Variants in MFSD12 observed in about 807,000 individuals in gnomAD.
MFSD12 encodes the protein major facilitator superfamily domain-containing protein 12.
A neutral mutation model predicts 51.2 loss-of-function variants in MFSD12; 67 were observed. The ratio of observed to expected loss-of-function variants is 1.31; its 90% CI spans 1.08 to 1.60. The LOEUF (loss-of-function observed/expected upper bound fraction) is 1.60. Ranked by LOEUF, MFSD12 falls within the 40% of genes most tolerant of loss-of-function variation. The pLI, the probability that MFSD12 is intolerant of heterozygous loss-of-function variation, is 0.00. For missense variants in MFSD12, 921 were observed against 673.0 expected (o/e 1.37, Z -4.08); for synonymous variants, 441 against 316.7 (o/e 1.39, Z -4.17).
At chr19:3,543,103 C>A, downstream of MFSD12, 1 of 1,537,050 alleles carries the variant, frequency 6.5e-7, no homozygotes, top group Middle Eastern at 1.9e-4. Context: ...AGGACAGACT[C>A]CAAGTGGCGA....
At position 3,556,196 on chromosome 19, in the gene MFSD12, G is replaced by A. The variant is rs1599843492; in HGVS notation, c.298+910C>T. Among the ~76,000 whole-genome samples, 5 of 152,360 alleles carry A rather than the reference G, an allele frequency of 3.3e-5. No homozygotes were observed. The South Asian group carries it at 1.0e-3, about 32-fold the overall frequency. ...TGCCCTGGCAGAACACACAGAGAGAGAGGAGGCTCTAGGGGGCCTGACTGT... is the reference window on the plus strand; with the variant it reads ...TGCCCTGGCAGAACACACAGAGAGAAAGGAGGCTCTAGGGGGCCTGACTGT... On this transcript the variant is annotated intron_variant, in intron 1 of 9. Transcript: ENST00000355415.
At chr19:3,554,290 A>C (rs2145221391) in intron 1 of MFSD12, among the ~76,000 whole-genome samples, 1 of 151,522 alleles carries the variant, frequency 6.6e-6, no homozygotes, top group African/African-American at 2.4e-5. Context: ...TTTAAAAATT[A>C]GCCGGCTTTG....
chr19:3,543,344 A>G, downstream of MFSD12: 1 of 1,549,502 alleles, frequency 6.5e-7, no homozygotes, highest in East Asian at 2.4e-5. Context: ...GCTGTGGTAC[A>G]CAGGCCTGAC....
intron 2 of MFSD12, among the ~76,000 whole-genome samples, chr19:3,550,599 C>T (rs545722811): frequency 1.3e-5 from 2 of 152,160 alleles, no homozygotes; most frequent in African/African-American, 4.8e-5. Context: ...CACGTGTTAG[C>T]GAGGATGGTC....
rs983298715 is a variant in MFSD12, at chr19:3,546,876, C to T, written c.1023+396G>A. Among the ~76,000 whole-genome samples, 3 of 152,212 alleles carry T rather than the reference C, an allele frequency of 2.0e-5. No individual in the cohort carries two copies. The East Asian group carries it at 5.8e-4, about 29-fold the overall frequency. On this transcript the variant is annotated intron_variant, in intron 6 of 9. Coordinates refer to ENST00000355415, the MANE Select transcript of MFSD12 (RefSeq NM_174983.5). ...GAGACAAGAGTCTCGCTGTGTCGCC[C>T]AGGCTGGAGTGCAGTGGTGTGATCT... is the stretch of plus-strand genomic sequence containing the variant.
chr19:3,539,906 C>T (rs2030219230), downstream of MFSD12: 1 of 152,136 alleles, frequency 6.6e-6, no homozygotes, highest in Non-Finnish European at 1.5e-5. Flanking sequence ...ACTATGCAGC[C>T]ATGAAAAAGA....
In MFSD12 at chr19:3,557,467, T is replaced by C; in HGVS notation, c.-64A>G. The C allele has an allele frequency of 9.5e-7, 1 of 1,055,940 alleles. No homozygotes were observed. Among genetic ancestry groups the C allele is most frequent in the Non-Finnish European group, 1.2e-6 (1 of 845,370 alleles). The allele number at this position is 1,055,940 out of a possible 1,614,324, so 65.4% of individuals were successfully genotyped here. A position where few individuals can be genotyped will look rare whatever the true frequency, so the allele number is the denominator to read the frequency against. On this transcript the variant is annotated 5_prime_UTR_variant, in exon 1 of 10. Transcript: ENST00000355415. ...CGGAGGGTACCCTGGCCAGGCCTTC[T>C]TGGGTGCCGTGGGGGCAGGCGCCGG...
chr19:3,548,451 C>G (rs1307999134), intron 2 of MFSD12, among the ~76,000 whole-genome samples, 184 bp from the exon 3 acceptor site: 1 of 152,218 alleles, frequency 6.6e-6, no homozygotes, highest in Non-Finnish European at 1.5e-5. Flanking sequence ...CGCACATTAC[C>G]TAACGCGGGA....
intron 8 of MFSD12, 37 bp from the exon 9 acceptor site, chr19:3,544,976 G>A (rs369068991): frequency 5.7e-6 from 9 of 1,566,880 alleles, no homozygotes; most frequent in Admixed American, 3.6e-5. Flanking sequence ...GGCACCGCGG[G>A]TACCACCCCC....
At chr19:3,539,604 C>A, downstream of MFSD12, 2 of 276,522 alleles carry the variant, frequency 7.2e-6, no homozygotes, top group Non-Finnish European at 1.4e-5. Flanking sequence ...TGTCCCACAC[C>A]TCTTGCAGCC....
At chr19:3,552,780 G>A (rs548920433) in intron 1 of MFSD12, among the ~76,000 whole-genome samples, 4 of 152,182 alleles carry the variant, frequency 2.6e-5, no homozygotes, top group African/African-American at 9.6e-5. Flanking sequence ...CCACCATACC[G>A]GCTGTTACTT....
At chr19:3,548,362 CCT>C in intron 2 of MFSD12, 95 bp from the exon 3 acceptor site, 6 of 1,472,508 alleles carry the variant, frequency 4.1e-6, no homozygotes, top group South Asian at 1.2e-5. Context: ...CTGGGGAACC[CCT>C]GACTGACAGG....
At chr19:3,547,613 G>T in intron 4 of MFSD12, 66 bp from the exon 5 acceptor site, 1 of 1,436,832 alleles carries the variant, frequency 7.0e-7, no homozygotes, top group Non-Finnish European at 9.6e-7. Context: ...CACCAGCAGG[G>T]GGCACCGGGG....
At chr19:3,547,060 G>C (rs531867329) in intron 6 of MFSD12, among the ~76,000 whole-genome samples, 1 of 152,118 alleles carries the variant, frequency 6.6e-6, no homozygotes, top group African/African-American at 2.4e-5. Flanking sequence ...GGATGGTCTC[G>C]ATCTCCTGAC....
intron 4 of MFSD12, 28 bp downstream of exon 4, chr19:3,547,820 C>G: frequency 6.8e-7 from 1 of 1,467,020 alleles, no homozygotes; most frequent in Non-Finnish European, 9.0e-7. Flanking sequence ...AGAAGGCCCA[C>G]GCCAGCCCCA....
downstream of MFSD12, among the ~76,000 whole-genome samples, chr19:3,540,442 G>A (rs1270730230): frequency 3.3e-5 from 5 of 151,460 alleles, no homozygotes; most frequent in Non-Finnish European, 7.4e-5. Context: ...ATTTTTAGTA[G>A]AGACGGGGTT....
chr19:3,556,885 A>AGACC (rs146992948), intron 1 of MFSD12, among the ~76,000 whole-genome samples: 40 of 93,884 alleles, frequency 4.3e-4, no homozygotes, highest in East Asian at 4.0e-3. Context: ...GGGGACAGAC[A>AGACC]GAGGGGTGAA....
chr19:3,541,358 G>A (rs542432330), downstream of MFSD12, among the ~76,000 whole-genome samples: 45 of 150,776 alleles, frequency 3.0e-4, no homozygotes, highest in African/African-American at 1.0e-3. Context: ...GGTCTCGCTC[G>A]GTTGCCCAGG....
intron 1 of MFSD12, among the ~76,000 whole-genome samples, chr19:3,556,495 G>T (rs1445334994): frequency 6.6e-6 from 1 of 151,924 alleles, no homozygotes; most frequent in Non-Finnish European, 1.5e-5. Flanking sequence ...GATGGGGGAG[G>T]CTCATGGCTC....
Sources: gnomAD v4.1 joint callset for allele counts (sites outside exome capture counted in the v4.1 genomes callset) on GRCh38, gnomAD v4.1.1 for gene constraint, MANE v1.5 for transcripts, NCBI Gene and HGNC (gene_info 2026-07-23, HGNC 2026-07-21) for gene names.